CHST8: variants seen among roughly 807,000 people sequenced by gnomAD.
CHST8 encodes GALNAC-4-ST1.
A neutral mutation model predicts 15.0 loss-of-function variants in CHST8; 10 were observed. The observed-to-expected ratio is 0.67, with a 90% CI of 0.41 to 1.13. The LOEUF (loss-of-function observed/expected upper bound fraction) is 1.13, where lower values mean the gene tolerates loss of function less well. Among genes scored for constraint, CHST8 ranks in the 50% most tolerant of loss-of-function variants. The pLI is 0.00. For missense variants in CHST8, 634 were observed against 608.2 expected, an observed-to-expected ratio of 1.04 and a Z score of -0.45; for synonymous variants, 259 against 256.6, an observed-to-expected ratio of 1.01 and a Z score of -0.09.
At position 33,771,425 on chromosome 19, in the gene CHST8, A is replaced by G. The variant is rs2145396734; in HGVS notation, c.143A>G (p.Asn48Ser). 1 of 1,614,152 alleles carries G rather than the reference A, an allele frequency of 6.2e-7. No homozygotes were observed. The highest frequency in any genetic ancestry group is 1.6e-4 in the Middle Eastern group (1 of 6,062). Residue 48 changes from asparagine to serine, a missense_variant, in exon 4 of 5, where the codon AAC (asparagine) becomes AGC (serine). Physicochemically the swap from Asn to Ser is conservative, Grantham distance 46. Transcript: ENST00000650847. ...APQQVPGIKF[N>S]IRPRQPHHDL... ...GTTTGCTTTTCAGGAATAAAGTTCA[A>G]CATCAGGCCAAGGCAGCCCCACCAC...
chr19:33,718,222 CT>C (rs369864953), intron 3 of CHST8, among the ~76,000 whole-genome samples: 7,418 of 142,932 alleles, frequency 0.052, 194 homozygotes, highest in East Asian at 0.12. Flanking sequence ...TTTTTTCTTT[CT>C]TTTTTTTTTT....
intron 2 of CHST8, among the ~76,000 whole-genome samples, chr19:33,679,019 G>T (rs920751917): frequency 4.6e-5 from 7 of 152,158 alleles, no homozygotes; most frequent in Non-Finnish European, 7.4e-5. Flanking sequence ...AAGTCCTCTG[G>T]GGCCTCCTTG....
At chr19:33,664,425 TCCCTCCCCCCTCCC>T (rs1318165493) in intron 1 of CHST8, among the ~76,000 whole-genome samples, 10 of 99,798 alleles carry the variant, frequency 1.0e-4, no homozygotes, top group Admixed American at 4.0e-4. Context: ...CCCAGTGCTA[TCCCTCCCCCCTCCC>T]CCCTCCCCCC....
chr19:33,692,929 C>T (rs565375046), intron 3 of CHST8, among the ~76,000 whole-genome samples: 1 of 152,176 alleles, frequency 6.6e-6, no homozygotes, highest in African/African-American at 2.4e-5. Context: ...CCATCCACTT[C>T]CCTCCTTTCA....
chr19:33,674,570 G>A (rs16968368), intron 2 of CHST8, among the ~76,000 whole-genome samples: 5,701 of 152,218 alleles, frequency 0.037, 368 homozygotes, highest in African/African-American at 0.13. Context: ...ACTAATGATC[G>A]TGGAAAATTA....
rs550691061 is a variant in CHST8, at chr19:33,762,808, G to A, written c.131-8605G>A. ...TTACCAATGAAACACGTTCAGCAAG[G>A]TCAAGGCACTTGTCCAAGGTCACAC... On this transcript the variant is annotated intron_variant, in intron 3 of 4. Coordinates refer to ENST00000650847, the MANE Select transcript of CHST8 (RefSeq NM_001127895.2). 3.9e-5 allele frequency among the ~76,000 whole-genome samples: 6 copies of A among 152,010 alleles called. No individual in the cohort carries two copies. The East Asian group carries it at 1.2e-3, about 29-fold the overall frequency.
chr19:33,714,142 C>T (rs1973614339), intron 3 of CHST8, among the ~76,000 whole-genome samples: 1 of 152,182 alleles, frequency 6.6e-6, no homozygotes, highest in Non-Finnish European at 1.5e-5. Flanking sequence ...CGCAGTTCCA[C>T]TACCGGGCTA....
At chr19:33,653,651 T>C (rs1307191221) in intron 1 of CHST8, among the ~76,000 whole-genome samples, 2 of 152,228 alleles carry the variant, frequency 1.3e-5, no homozygotes, top group African/African-American at 2.4e-5. Flanking sequence ...AGATAGTTTC[T>C]TGGATCTGAC....
chr19:33,725,496 A>T (rs1394289512), intron 3 of CHST8, among the ~76,000 whole-genome samples: 2 of 152,184 alleles, frequency 1.3e-5, no homozygotes, highest in Non-Finnish European at 2.9e-5. Context: ...CGCCAGTACC[A>T]GCCCTTTCCC....
At chr19:33,729,200 A>G (rs929086705) in intron 3 of CHST8, among the ~76,000 whole-genome samples, 6 of 152,352 alleles carry the variant, frequency 3.9e-5, no homozygotes, top group Admixed American at 6.5e-5. Context: ...ACTGTCATTA[A>G]AGTGCAGCTG....
chr19:33,629,794 C>G (rs958073569), intron 1 of CHST8, among the ~76,000 whole-genome samples: 5 of 152,246 alleles, frequency 3.3e-5, no homozygotes, highest in African/African-American at 1.2e-4. Context: ...ATGCTAGGAG[C>G]TGCACATTAC....
At chr19:33,760,853 G>T (rs771016181) in intron 3 of CHST8, among the ~76,000 whole-genome samples, 2 of 152,182 alleles carry the variant, frequency 1.3e-5, no homozygotes, top group African/African-American at 2.4e-5. Flanking sequence ...GGAGTTGCTG[G>T]CCAGTGCCTC....
chr19:33,679,861 C>A (rs1972861806), intron 2 of CHST8, among the ~76,000 whole-genome samples: 1 of 152,210 alleles, frequency 6.6e-6, no homozygotes, highest in Admixed American at 6.5e-5. Context: ...TGATCAGCAG[C>A]CAGCCTCTAG....
intron 2 of CHST8, among the ~76,000 whole-genome samples, chr19:33,674,476 A>G (rs1057141965): frequency 1.4e-4 from 21 of 152,234 alleles, no homozygotes; most frequent in Non-Finnish European, 2.4e-4. Flanking sequence ...ACAAGTGGGA[A>G]AAGGACGATT....
intron 3 of CHST8, among the ~76,000 whole-genome samples, chr19:33,738,585 GTTTTTTCT>G (rs1974126364): frequency 6.6e-6 from 1 of 152,080 alleles, no homozygotes; most frequent in African/African-American, 2.4e-5. Context: ...GAGAGTGCAA[GTTTTTTCT>G]TTTTTTCTTC....
intron 1 of CHST8, among the ~76,000 whole-genome samples, chr19:33,647,909 G>T (rs1257719683): frequency 1.3e-5 from 2 of 151,564 alleles, no homozygotes; most frequent in Admixed American, 1.3e-4. Context: ...GAGGGAAGAG[G>T]GGTTGAAAGG....
In CHST8 at chr19:33,772,344, G is replaced by A; in HGVS notation, c.556G>A (p.Val186Met). The A allele has an allele frequency of 6.2e-7, 1 of 1,606,660 alleles. No homozygotes were observed. The highest frequency in any genetic ancestry group is 8.5e-7 in the Non-Finnish European group (1 of 1,179,182). Reference sequence around the variant, plus strand: ...GCCCCGCCACGTGTCCCGTATCTTCGTGGAGGACCGCCACCGCGTGCTCTA... The same window carrying A: ...GCCCCGCCACGTGTCCCGTATCTTCATGGAGGACCGCCACCGCGTGCTCTA... ...VTPRHVSRIFVEDRHRVLYCE... is the reference protein window; with the variant it reads ...VTPRHVSRIFMEDRHRVLYCE... The change falls in exon 5 of 5, where the codon GTG becomes ATG. Residue 186 changes from valine (V) to methionine (M), a missense_variant. By Grantham distance (21) the Val-to-Met change is conservative (BLOSUM62 1). Coordinates refer to ENST00000650847, the MANE Select transcript of CHST8 (RefSeq NM_001127895.2).
intron 3 of CHST8, among the ~76,000 whole-genome samples, chr19:33,700,058 A>C (rs73926589): frequency 0.27 from 41,738 of 152,086 alleles, 7,606 homozygotes; most frequent in African/African-American, 0.52. Flanking sequence ...CCTCTCAGAG[A>C]GAGTCCGGTC....
At chr19:33,660,917 A>C (rs1459932244) in intron 1 of CHST8, among the ~76,000 whole-genome samples, 1 of 152,096 alleles carries the variant, frequency 6.6e-6, no homozygotes, top group Non-Finnish European at 1.5e-5. Flanking sequence ...TGTGAAGCCA[A>C]AGACCCTCCC....
Sources: gnomAD v4.1 joint callset for allele counts (sites outside exome capture counted in the v4.1 genomes callset) on GRCh38, gnomAD v4.1.1 for gene constraint, MANE v1.5 for transcripts, NCBI Gene and HGNC (gene_info 2026-07-23, HGNC 2026-07-21) for gene names.